The following SDK1 variants were observed in gnomAD, a reference collection of about 807,000 sequenced individuals.
SDK1 encodes protein sidekick-1.
Under a neutral mutation model 245.5 loss-of-function variants are expected in SDK1, and 157 were observed. The ratio of observed to expected loss-of-function variants is 0.64; its 90% CI spans 0.56 to 0.73. The LOEUF (loss-of-function observed/expected upper bound fraction) is 0.73. Among genes scored for constraint, SDK1 ranks in the 30% least tolerant of loss-of-function variants. The probability of loss-of-function intolerance (pLI) is 0.00; values close to 1 mark genes in which losing one functional copy is unlikely to be tolerated. For missense variants in SDK1, 3,583 were observed against 3,002.3 expected (o/e 1.19, Z -4.52); for synonymous variants, 1,647 against 1,278.5 (o/e 1.29, Z -6.15).
At chr7:3,462,673 C>T (rs527810327) in intron 1 of SDK1, among the ~76,000 whole-genome samples, 1 of 152,036 alleles carries the variant, frequency 6.6e-6, no homozygotes, top group Non-Finnish European at 1.5e-5. Context: ...CTTCTTGATG[C>T]CTCATCCACA....
chr7:3,310,302 G>A (rs1227838544), intron 1 of SDK1, among the ~76,000 whole-genome samples: 1 of 152,156 alleles, frequency 6.6e-6, no homozygotes, highest in Non-Finnish European at 1.5e-5. Context: ...TGAGTGGGGG[G>A]AATAAACCAT....
chr7:3,642,049 C>T lies in SDK1; in HGVS notation c.657C>T (p.Pro219=). The T allele has an allele frequency of 6.2e-7, 1 of 1,614,154 alleles. No individual in the cohort carries two copies. The highest frequency in any genetic ancestry group is 8.5e-7 in the Non-Finnish European group (1 of 1,179,974). ...ILNLLPITSY[P]RPQVTWFREG... ...ACCTGCTGCCCATCACCAGCTACCCCAGACCTCAAGTGACTTGGTTTAGAG... is the reference window on the plus strand; with the variant it reads ...ACCTGCTGCCCATCACCAGCTACCCTAGACCTCAAGTGACTTGGTTTAGAG... The change falls in exon 4 of 45, where the codon CCC becomes CCT. Residue 219 remains proline, a synonymous_variant. Coordinates refer to ENST00000404826, the MANE Select transcript of SDK1 (RefSeq NM_152744.4).
intron 41 of SDK1, among the ~76,000 whole-genome samples, chr7:4,237,302 C>T (rs184471794): frequency 7.2e-5 from 11 of 151,874 alleles, no homozygotes; most frequent in South Asian, 2.1e-4. Flanking sequence ...TAAGAGAAAG[C>T]AAGCAGGAAG....
chr7:3,745,641 G>A (rs1040986595), intron 4 of SDK1, among the ~76,000 whole-genome samples: 4 of 152,074 alleles, frequency 2.6e-5, no homozygotes, highest in Non-Finnish European at 4.4e-5. Flanking sequence ...GATCCGCCAT[G>A]ACAGAGGAAC....
At chr7:3,741,409 C>T (rs749406197) in intron 4 of SDK1, among the ~76,000 whole-genome samples, 12 of 152,184 alleles carry the variant, frequency 7.9e-5, no homozygotes, top group African/African-American at 1.4e-4. Flanking sequence ...GTGTGGGAAT[C>T]GTGCACCCCA....
chr7:3,487,432 A>AC lies in SDK1; in HGVS notation c.299-131648_299-131647insC, dbSNP rs537918207. 5.3e-4 allele frequency among the ~76,000 whole-genome samples: 80 copies of AC among 152,036 alleles called. 1 individual carries two copies. Among genetic ancestry groups the AC allele is most frequent in the African/African-American group, 1.8e-3 (75 of 41,472 alleles). ...GTGAAAATTGGTTTGGGTCAGGAGGAGGAAAAAAAAATCTTAGAAATTGCA... is the reference window on the plus strand; with the variant it reads ...GTGAAAATTGGTTTGGGTCAGGAGGACGGAAAAAAAAATCTTAGAAATTGCA... On this transcript the variant is annotated intron_variant, in intron 1 of 44. Coordinates refer to ENST00000404826, the MANE Select transcript of SDK1 (RefSeq NM_152744.4).
intron 40 of SDK1, among the ~76,000 whole-genome samples, chr7:4,222,546 C>T (rs1049509159): frequency 2.6e-5 from 4 of 152,162 alleles, no homozygotes; most frequent in Admixed American, 6.5e-5. Context: ...CTACCCTCCT[C>T]GGCCTCCCAA....
intron 1 of SDK1, among the ~76,000 whole-genome samples, chr7:3,491,633 C>G (rs183809267): frequency 6.6e-6 from 1 of 152,202 alleles, no homozygotes; most frequent in Non-Finnish European, 1.5e-5. Flanking sequence ...TATATCTCTC[C>G]TGAAGTCTTC....
intron 44 of SDK1, among the ~76,000 whole-genome samples, chr7:4,249,130 G>C (rs1787126937): frequency 6.6e-6 from 1 of 152,276 alleles, no homozygotes; most frequent in African/African-American, 2.4e-5. Context: ...TGGGGATAGG[G>C]GAAGAAGGGT....
chr7:3,863,499 C>T (rs1169710378), intron 5 of SDK1, among the ~76,000 whole-genome samples: 3 of 152,200 alleles, frequency 2.0e-5, no homozygotes, highest in African/African-American at 7.2e-5. Flanking sequence ...CATATTGTTG[C>T]ACCACCATTA....
At chr7:3,592,704 C>G (rs778609136) in intron 1 of SDK1, among the ~76,000 whole-genome samples, 1 of 152,128 alleles carries the variant, frequency 6.6e-6, no homozygotes, top group Non-Finnish European at 1.5e-5. Context: ...TGGGGACTCG[C>G]GCTGTGGGAA....
chr7:3,818,246 T>C (rs930700090), intron 4 of SDK1, among the ~76,000 whole-genome samples: 3 of 152,214 alleles, frequency 2.0e-5, no homozygotes, highest in African/African-American at 7.2e-5. Flanking sequence ...AGGCCAAATA[T>C]TGTAATTTTT....
At chr7:3,362,304 T>G (rs1780974522) in intron 1 of SDK1, among the ~76,000 whole-genome samples, 1 of 152,190 alleles carries the variant, frequency 6.6e-6, no homozygotes, top group African/African-American at 2.4e-5. Flanking sequence ...TCTTTCACCT[T>G]TTTGAAGACT....
At chr7:3,551,735 G>A (rs542394422) in intron 1 of SDK1, among the ~76,000 whole-genome samples, 2 of 152,234 alleles carry the variant, frequency 1.3e-5, no homozygotes, top group East Asian at 3.9e-4. Context: ...GAGTACAGCA[G>A]CACGATCACG....
At chr7:3,422,954 G>A (rs1303228083) in intron 1 of SDK1, among the ~76,000 whole-genome samples, 1 of 152,128 alleles carries the variant, frequency 6.6e-6, no homozygotes, top group African/African-American at 2.4e-5. Flanking sequence ...ATATTAATGA[G>A]CTGGCTAATT....
At chr7:3,438,841 G>C (rs1268820968) in intron 1 of SDK1, among the ~76,000 whole-genome samples, 1 of 131,158 alleles carries the variant, frequency 7.6e-6, no homozygotes, top group Non-Finnish European at 1.6e-5. Context: ...CTTCCCCTTT[G>C]TATTAATATT....
chr7:3,871,407 T>G (rs1348459687), intron 5 of SDK1, among the ~76,000 whole-genome samples: 1 of 150,730 alleles, frequency 6.6e-6, no homozygotes, highest in Non-Finnish European at 1.5e-5. Context: ...ATTGCCTTGT[T>G]GCACTGGTTA....
chr7:3,385,166 T>A (rs1400837880), intron 1 of SDK1, among the ~76,000 whole-genome samples: 3 of 152,194 alleles, frequency 2.0e-5, no homozygotes, highest in African/African-American at 7.2e-5. Context: ...CACGTCATCT[T>A]AGGCAAGTTA....
At chr7:3,585,935 A>G (rs1242327361) in intron 1 of SDK1, among the ~76,000 whole-genome samples, 2 of 152,232 alleles carry the variant, frequency 1.3e-5, no homozygotes, top group East Asian at 1.9e-4. Context: ...TTGTTGCTAA[A>G]GGAGACACAG....
Sources: allele counts gnomAD v4.1 joint callset (sites outside exome capture counted in the v4.1 genomes callset), GRCh38; gene constraint gnomAD v4.1.1; transcripts MANE v1.5; gene names NCBI Gene and HGNC (gene_info 2026-07-23, HGNC 2026-07-21).